The following NLRP4 variants were observed in gnomAD, a reference collection of about 807,000 sequenced individuals.
NLRP4 encodes the protein NLR family pyrin domain containing 4.
NLRP4 carries 44 observed loss-of-function variants against 84.7 expected under a neutral mutation model. That is an observed-to-expected ratio of 0.52 (90% CI 0.41 to 0.67). NLRP4 has a LOEUF of 0.67. Among genes scored for constraint, NLRP4 ranks in the 30% least tolerant of loss-of-function variants. The probability of loss-of-function intolerance (pLI) is 0.00; values close to 1 mark genes in which losing one functional copy is unlikely to be tolerated. For synonymous variants in NLRP4, 544 were observed against 476.4 expected (o/e 1.14, Z -1.85); for missense variants, 1,260 against 1,219.4 (o/e 1.03, Z -0.50).
At position 55,859,261 on chromosome 19, in the gene NLRP4, C is replaced by G. The variant is rs551879248; in HGVS notation, c.1856+12C>G. ...GAACACAGCTCTACGTGAGTCCATC[C>G]TATGACTTTTTCTCTCTTCTCAGAA... On this transcript the variant is annotated intron_variant, in intron 3 of 9. Coordinates refer to ENST00000301295, the MANE Select transcript of NLRP4 (RefSeq NM_134444.5). 23 of 1,571,718 alleles carry G rather than the reference C, an allele frequency of 1.5e-5. No homozygotes were observed. The East Asian group carries it at 4.3e-4, about 29-fold the overall frequency.
chr19:55,871,077 G>A lies in NLRP4; in HGVS notation c.2525+80G>A, dbSNP rs1380636765. 4.0e-6 allele frequency: 5 copies of A among 1,254,738 alleles called. No homozygotes were observed. In the African/African-American group the frequency reaches 5.9e-5, roughly 15 times the overall value. The allele number at this position is 1,254,738 out of a possible 1,614,324, so 77.7% of individuals were successfully genotyped here. ...TGCTGAGAATGGGGCATCTGGAATTGAGGAAGGCTGTAGTGTCTGTGCCTG... is the reference window on the plus strand; with the variant it reads ...TGCTGAGAATGGGGCATCTGGAATTAAGGAAGGCTGTAGTGTCTGTGCCTG... On this transcript the variant is annotated intron_variant, in intron 7 of 9. Coordinates refer to ENST00000301295, the MANE Select transcript of NLRP4 (RefSeq NM_134444.5).
Position 55,868,139 on chromosome 19 carries a change from CACG to C in NLRP4, c.2354+264_2354+266del, listed in dbSNP as rs532444367. Among the ~76,000 whole-genome samples the C allele has an allele frequency of 5.9e-5, 9 of 152,348 alleles. No homozygotes were observed. The South Asian group carries it at 1.9e-3, about 32-fold the overall frequency. On this transcript the variant is annotated intron_variant, in intron 6 of 9. Transcript: ENST00000301295. ...ATCAAGTGAGACTGTCTATACAGAA[CACG>C]TACTGTGTTTCAAAGCTGTTAGGTT...
chr19:55,850,870 C>CGAGGCTGCGGTGTAATTTAT (rs1984092636), intron 1 of NLRP4, among the ~76,000 whole-genome samples: 1 of 73,756 alleles, frequency 1.4e-5, no homozygotes, highest in Non-Finnish European at 2.2e-5. Flanking sequence ...GTGTAATTTA[C>CGAGGCTGCGGTGTAATTTAT]GAGGCTGCGG....
At chr19:55,850,050 C>CAAAAATGTAAAGTCTATATTTGCCTG (rs1983998030) in intron 1 of NLRP4, among the ~76,000 whole-genome samples, 2 of 139,236 alleles carry the variant, frequency 1.4e-5, no homozygotes, top group African/African-American at 5.9e-5. Context: ...GTGTGATTTC[C>CAAAAATGTAAAGTCTATATTTGCCTG]GTAGCTGCGG....
chr19:55,846,438 C>G (rs981291270), intron 1 of NLRP4, among the ~76,000 whole-genome samples: 10 of 152,300 alleles, frequency 6.6e-5, no homozygotes, highest in East Asian at 5.8e-4. Context: ...AAAAGTCCAA[C>G]TCTAGTTGCC....
At chr19:55,853,505 C>T (rs986368561) in intron 2 of NLRP4, among the ~76,000 whole-genome samples, 1 of 152,168 alleles carries the variant, frequency 6.6e-6, no homozygotes, top group Non-Finnish European at 1.5e-5. Context: ...GATCTGCCAC[C>T]TCAGCCTCCC....
At chr19:55,837,753 C>T (rs1983419791) in intron 1 of NLRP4, among the ~76,000 whole-genome samples, 1 of 152,020 alleles carries the variant, frequency 6.6e-6, no homozygotes, top group Non-Finnish European at 1.5e-5. Context: ...CGGCCACATG[C>T]GGCTGGGTGT....
At chr19:55,869,361 CA>C (rs200149862) in intron 6 of NLRP4, among the ~76,000 whole-genome samples, 3 of 106,842 alleles carry the variant, frequency 2.8e-5, no homozygotes, top group African/African-American at 7.4e-5. Context: ...AAGACTGTCT[CA>C]AAAAAAAACA....
Position 55,878,957 on chromosome 19 carries a change from G to A in NLRP4, c.2860G>A (p.Val954Met), listed in dbSNP as rs761685790. The change falls in exon 9 of 10, where the codon GTG becomes ATG. Residue 954 changes from valine to methionine, a missense_variant. Val to Met is a conservative substitution (Grantham distance 21). Coordinates refer to ENST00000301295, the MANE Select transcript of NLRP4 (RefSeq NM_134444.5). ...ALRHPECALQVLGLRKTDFDE... is the reference protein window; with the variant it reads ...ALRHPECALQMLGLRKTDFDE... ...GAGACACCCAGAGTGTGCCCTGCAG[G>A]TGCTCGGGTGAGCTGGGGTCTGTTG... The A allele has an allele frequency of 1.2e-6, 2 of 1,612,626 alleles. No individual in the cohort carries two copies.
chr19:55,855,149 G>A (rs1429954706), intron 2 of NLRP4, among the ~76,000 whole-genome samples: 1 of 152,188 alleles, frequency 6.6e-6, no homozygotes, highest in Non-Finnish European at 1.5e-5. Context: ...GGATGAGGCT[G>A]CAGTGAGCTG....
intron 5 of NLRP4, among the ~76,000 whole-genome samples, chr19:55,866,752 C>A (rs927285491): frequency 2.6e-5 from 4 of 152,096 alleles, no homozygotes; most frequent in Non-Finnish European, 5.9e-5. Flanking sequence ...GCAAAATAGC[C>A]CAAGTTGAGT....
At chr19:55,852,765 C>T (rs554834839) in intron 2 of NLRP4, among the ~76,000 whole-genome samples, 1 of 152,296 alleles carries the variant, frequency 6.6e-6, no homozygotes, top group Non-Finnish European at 1.5e-5. Context: ...GCATGATCCA[C>T]CATGCCCAGC....
intron 1 of NLRP4, among the ~76,000 whole-genome samples, chr19:55,843,648 T>C (rs1983693517): frequency 6.6e-6 from 1 of 152,074 alleles, no homozygotes; most frequent in African/African-American, 2.4e-5. Flanking sequence ...GCTAAGATTG[T>C]GCCACTGCAC....
In NLRP4 at chr19:55,861,495, G is replaced by C. The variant is rs1412057854; in HGVS notation, c.1966G>C (p.Val656Leu). ...CAGCACCCTCAGCGAGTCGACCTTT[G>C]TGACCTGGTGTAACCAGCTGAGGCA... ...QDSTLSESTF[V>L]TWCNQLRHPS... The change falls in exon 4 of 10, where the codon GTG becomes CTG. Residue 656 changes from valine (V) to leucine (L), a missense_variant. This residue lies in a region of NLRP4 where 544 missense variants were observed against 531.7 expected (regional missense o/e 1.02). Coordinates refer to ENST00000301295, the MANE Select transcript of NLRP4 (RefSeq NM_134444.5). 1 of 1,614,042 alleles carries C rather than the reference G, an allele frequency of 6.2e-7. No homozygotes were observed. The highest frequency in any genetic ancestry group is 8.5e-7 in the Non-Finnish European group (1 of 1,180,032).
chr19:55,879,317 C>T (rs1985499128), intron 9 of NLRP4, among the ~76,000 whole-genome samples: 1 of 152,142 alleles, frequency 6.6e-6, no homozygotes, highest in Non-Finnish European at 1.5e-5. Flanking sequence ...GAAAGAAGAG[C>T]TGTCTGCTAC....
intron 1 of NLRP4, among the ~76,000 whole-genome samples, chr19:55,840,453 A>G (rs765877983): frequency 8.6e-5 from 13 of 151,806 alleles, no homozygotes; most frequent in Non-Finnish European, 1.6e-4. Flanking sequence ...GTGCCATCTC[A>G]GCTCACTGCA....
chr19:55,846,912 C>G lies in NLRP4; in HGVS notation c.-65-5104C>G, dbSNP rs528724894. Among the ~76,000 whole-genome samples, 204 of 152,180 alleles carry G rather than the reference C, an allele frequency of 1.3e-3. 1 individual carries two copies. Among genetic ancestry groups the G allele is most frequent in the African/African-American group, 4.7e-3 (196 of 41,538 alleles). ...ATTCCGAATACTGCTTAATAATTTTCCCTAATTTTTGTGGGTTTTATTTAT... is the reference window on the plus strand; with the variant it reads ...ATTCCGAATACTGCTTAATAATTTTGCCTAATTTTTGTGGGTTTTATTTAT... On this transcript the variant is annotated intron_variant, in intron 1 of 9. Transcript: ENST00000301295.
In NLRP4 at chr19:55,867,947, A is replaced by G. The variant is rs997977728; in HGVS notation, c.2354+71A>G. On this transcript the variant is annotated intron_variant, in intron 6 of 9. Coordinates refer to ENST00000301295, the MANE Select transcript of NLRP4 (RefSeq NM_134444.5). ...GTTCAAACCTGGGCCTATTGATGAC[A>G]GTCTGCTCATTGATGGAGGCCACAT... 2.2e-6 allele frequency: 3 copies of G among 1,359,834 alleles called. No homozygotes were observed. The African/African-American group carries it at 4.3e-5, about 20-fold the overall frequency. 84.2% of individuals were successfully genotyped at this position (1,359,834 alleles called of 1,614,324 possible). A position where few individuals can be genotyped will look rare whatever the true frequency, so the allele number is the denominator to read the frequency against.
intron 2 of NLRP4, among the ~76,000 whole-genome samples, chr19:55,853,944 T>C (rs1984303694): frequency 6.6e-6 from 1 of 150,648 alleles, no homozygotes; most frequent in Admixed American, 6.6e-5. Context: ...TCTCTCTTTC[T>C]GTCTTTCTCT....
Sources: allele counts gnomAD v4.1 joint callset (sites outside exome capture counted in the v4.1 genomes callset), GRCh38; gene constraint gnomAD v4.1.1; regional missense constraint gnomAD v4.1.1; transcripts MANE v1.5; gene names NCBI Gene and HGNC (gene_info 2026-07-23, HGNC 2026-07-21).